Variants in FAM120A observed in about 807,000 individuals in gnomAD.
The protein encoded by FAM120A is constitutive coactivator of PPAR-gamma-like protein 1.
A neutral mutation model predicts 109.7 loss-of-function variants in FAM120A; 15 were observed. That is an observed-to-expected ratio of 0.14 (90% confidence interval 0.09 to 0.21). The LOEUF is 0.21. Among genes scored for constraint, FAM120A ranks in the 10% least tolerant of loss-of-function variants. The pLI is 1.00. For missense variants in FAM120A, 899 were observed against 1,439.3 expected, an observed-to-expected ratio of 0.62 and a Z score of 6.07; for synonymous variants, 493 against 572.8, an observed-to-expected ratio of 0.86 and a Z score of 1.99.
chr9:93,493,195 T>G (rs376799414), intron 3 of FAM120A, among the ~76,000 whole-genome samples: 6 of 152,198 alleles, frequency 3.9e-5, no homozygotes, highest in African/African-American at 1.4e-4. Flanking sequence ...AGGACCAAAC[T>G]GTTAAAAATA....
At chr9:93,564,039 G>A (rs1273629112) in intron 17 of FAM120A, among the ~76,000 whole-genome samples, 190 bp from the exon 18 acceptor site, 2 of 152,224 alleles carry the variant, frequency 1.3e-5, no homozygotes, top group African/African-American at 4.8e-5. Context: ...AAGGGGCCAT[G>A]GAGGGAACTG....
At chr9:93,557,638 A>G (rs182607153) in intron 13 of FAM120A, among the ~76,000 whole-genome samples, 189 bp from the exon 14 acceptor site, 2 of 152,352 alleles carry the variant, frequency 1.3e-5, no homozygotes, top group African/African-American at 2.4e-5. Flanking sequence ...ACGACCAGAA[A>G]ACTGCCATAA....
chr9:93,543,178 G>A (rs781622347), intron 10 of FAM120A, 44 bp from the exon 11 acceptor site: 65 of 1,595,610 alleles, frequency 4.1e-5, no homozygotes, highest in Non-Finnish European at 3.8e-5. Context: ...GAAAGCAGGT[G>A]AATGATGCAT....
Position 93,483,568 on chromosome 9 carries a change from CAATTT to C in FAM120A, c.804+7234_804+7238del, listed in dbSNP as rs991173198. Among the ~76,000 whole-genome samples the C allele has an allele frequency of 8.0e-5, 12 of 150,086 alleles. No homozygotes were observed. The East Asian group carries it at 1.9e-3, about 24-fold the overall frequency. On this transcript the variant is annotated intron_variant, in intron 3 of 17. Coordinates refer to ENST00000277165, the MANE Select transcript of FAM120A (RefSeq NM_014612.5). ...TTTTTATTATAAAAATAATAAGAAACAATTTAATCAGTACAGAAATATGTCATGTG... is the reference window on the plus strand; with the variant it reads ...TTTTTATTATAAAAATAATAAGAAACAATCAGTACAGAAATATGTCATGTG...
chr9:93,522,833 G>A (rs1860900539), intron 7 of FAM120A, among the ~76,000 whole-genome samples: 1 of 152,196 alleles, frequency 6.6e-6, no homozygotes, highest in Non-Finnish European at 1.5e-5. Context: ...TTTTGCTAAT[G>A]ACATGTACTC....
Position 93,486,806 on chromosome 9 carries a change from T to C in FAM120A, c.804+10468T>C, listed in dbSNP as rs528276579. ...GCCTTGGCTTCCCAAAGTGCTGGGATTACAGGCATGAGCCACTGTAATTGA... is the reference window on the plus strand; with the variant it reads ...GCCTTGGCTTCCCAAAGTGCTGGGACTACAGGCATGAGCCACTGTAATTGA... On this transcript the variant is annotated intron_variant, in intron 3 of 17. Coordinates refer to ENST00000277165, the MANE Select transcript of FAM120A (RefSeq NM_014612.5). 2.0e-5 allele frequency among the ~76,000 whole-genome samples: 3 copies of C among 152,302 alleles called. No individual in the cohort carries two copies. The South Asian group carries it at 6.2e-4, about 32-fold the overall frequency.
At chr9:93,548,577 A>AT (rs1392190149) in intron 11 of FAM120A, among the ~76,000 whole-genome samples, 1 of 152,222 alleles carries the variant, frequency 6.6e-6, no homozygotes, top group African/African-American at 2.4e-5. Context: ...TAAATGGTAA[A>AT]TTTTTTGTGT....
Position 93,556,463 on chromosome 9 carries a change from G to T in FAM120A, c.2356G>T (p.Ala786Ser), listed in dbSNP as rs770155250. The stretch of plus-strand genomic sequence containing the variant: ...AGACATGGCCTTGTTTGCAAATGAT[G>T]CATGCGGACAGCCAATCCCCTGGGA... The part of the protein sequence containing the change: ...GVDMALFAND[A>S]CGQPIPWEHC... Residue 786 changes from alanine (A) to serine (S), a missense_variant, in exon 13 of 18, where the codon GCA becomes TCA. Physicochemically the swap from Ala to Ser is moderately conservative, Grantham distance 99. Transcript: ENST00000277165. The T allele has an allele frequency of 6.2e-7, 1 of 1,614,184 alleles. No individual in the cohort carries two copies. The highest frequency in any genetic ancestry group is 1.1e-5 in the South Asian group (1 of 91,086).
At chr9:93,535,667 C>A (rs550153638) in intron 10 of FAM120A, among the ~76,000 whole-genome samples, 1 of 151,988 alleles carries the variant, frequency 6.6e-6, no homozygotes. Context: ...TTGTTTCATG[C>A]GTTAGTTACA....
intron 2 of FAM120A, 92 bp from the exon 3 acceptor site, chr9:93,476,164 T>G (rs1858539856): frequency 1.3e-6 from 1 of 765,536 alleles, no homozygotes; most frequent in Non-Finnish European, 2.2e-6. Flanking sequence ...TTTGAAAGTT[T>G]TCTACTATAG....
At chr9:93,550,425 GAAAGTAGA>G (rs1380957330) in intron 11 of FAM120A, 144 bp from the exon 12 acceptor site, 4 of 604,176 alleles carry the variant, frequency 6.6e-6, no homozygotes, top group Non-Finnish European at 1.2e-5. Context: ...ATCATCAAAT[GAAAGTAGA>G]AAAGTAGAAA....
chr9:93,464,432 A>G (rs1227041254), intron 1 of FAM120A, among the ~76,000 whole-genome samples: 3 of 152,172 alleles, frequency 2.0e-5, no homozygotes, highest in Admixed American at 2.0e-4. Context: ...ACTTGTCAAC[A>G]CTAATGACAC....
At chr9:93,552,810 A>G (rs1356044134) in intron 12 of FAM120A, among the ~76,000 whole-genome samples, 1 of 151,956 alleles carries the variant, frequency 6.6e-6, no homozygotes, top group African/African-American at 2.4e-5. Context: ...GATATAGTCA[A>G]CTCTTGACTG....
At chr9:93,526,511 C>CT (rs148167030) in intron 7 of FAM120A, among the ~76,000 whole-genome samples, 3,570 of 148,724 alleles carry the variant, frequency 0.024, 146 homozygotes, top group African/African-American at 0.082. Flanking sequence ...TCCTTATCCC[C>CT]TTTTTTTTTT....
chr9:93,536,941 T>G (rs901175381), intron 10 of FAM120A, among the ~76,000 whole-genome samples: 3 of 152,244 alleles, frequency 2.0e-5, no homozygotes, highest in Admixed American at 6.5e-5. Context: ...GCCCTCCCAG[T>G]GGTGCACGTA....
At position 93,483,709 on chromosome 9, in the gene FAM120A, CATT is replaced by C. The variant is rs1181860721; in HGVS notation, c.804+7372_804+7374del. The stretch of plus-strand genomic sequence containing the variant: ...TGTCTGTCTTGCTAGTGGTGCTCAT[CATT>C]GTCACCATCATCATGCATGTGACAT... On this transcript the variant is annotated intron_variant, in intron 3 of 17. Coordinates refer to ENST00000277165, the MANE Select transcript of FAM120A (RefSeq NM_014612.5). Among the ~76,000 whole-genome samples, 52 of 152,242 alleles carry C rather than the reference CATT, an allele frequency of 3.4e-4. 2 individuals are homozygous for C. The highest frequency in any genetic ancestry group is 1.2e-3 in the African/African-American group (51 of 41,522).
chr9:93,529,380 G>A lies in FAM120A; in HGVS notation c.1534G>A (p.Gly512Arg), dbSNP rs1459403900. ...AGAAGGCTCGTCCACTGCCTCTTCA[G>A]GAAGCCAACTAGCCGAAGGCAAGGG... ...KAEGSSTASS[G>R]SQLAEGKGSQ... Residue 512 changes from glycine (G) to arginine (R), a missense_variant, in exon 9 of 18, where the codon GGA (glycine) becomes AGA (arginine). Physicochemically the swap from Gly to Arg is moderately radical, Grantham distance 125. Around this residue, in one of 11 missense-constraint regions of FAM120A, gnomAD observed 57 missense variants for 52.9 expected, o/e 1.08. Transcript: ENST00000277165. The A allele has an allele frequency of 1.9e-6, 3 of 1,611,212 alleles. No homozygotes were observed. The highest frequency in any genetic ancestry group is 4.5e-5 in the East Asian group (2 of 44,876).
chr9:93,478,281 T>G (rs1858636291), intron 3 of FAM120A, among the ~76,000 whole-genome samples: 1 of 145,090 alleles, frequency 6.9e-6, no homozygotes, highest in Non-Finnish European at 1.5e-5. Context: ...ATTTATAGGT[T>G]TTTTTTTTTT....
chr9:93,520,012 G>A (rs765577792), intron 7 of FAM120A, among the ~76,000 whole-genome samples: 3 of 151,920 alleles, frequency 2.0e-5, no homozygotes, highest in Admixed American at 1.3e-4. Flanking sequence ...CACCTGAGAC[G>A]AAAGACATGT....
Sources: allele counts gnomAD v4.1 joint callset (sites outside exome capture counted in the v4.1 genomes callset), GRCh38; gene constraint gnomAD v4.1.1; regional missense constraint gnomAD v4.1.1; transcripts MANE v1.5; gene names NCBI Gene and HGNC (gene_info 2026-07-23, HGNC 2026-07-21).